OSBPL5: variants seen among roughly 807,000 people sequenced by gnomAD.
OSBPL5 encodes the protein oxysterol-binding protein-related protein 5.
Under a neutral mutation model 111.2 loss-of-function variants are expected in OSBPL5, and 71 were observed. The ratio of observed to expected loss-of-function variants is 0.64; its 90% confidence interval spans 0.53 to 0.78. The LOEUF (loss-of-function observed/expected upper bound fraction) is 0.78, where lower values mean the gene tolerates loss of function less well. OSBPL5 is among the 30% of genes least tolerant of loss of function. The pLI is 0.00. For synonymous variants in OSBPL5, 549 were observed against 513.9 expected (o/e 1.07, Z -0.93); for missense variants, 1,210 against 1,189.3 (o/e 1.02, Z -0.26).
intron 1 of OSBPL5, among the ~76,000 whole-genome samples, chr11:3,144,099 C>T (rs915990193): frequency 1.3e-5 from 2 of 152,162 alleles, no homozygotes; most frequent in Non-Finnish European, 2.9e-5. Flanking sequence ...GTCCCACAGC[C>T]CTGAGACCAA....
rs919641751 is a variant in OSBPL5, at chr11:3,107,815, C to A, written c.822G>T (p.Gly274=). ...GGTGGACGGTGGCTGAGGCTGGCAG[C>A]CCACAGAGCGATGAGGGTGATGCGT... ...SPDASPSSLC[G]LPASATVHPD... The change falls in exon 8 of 22, where the codon GGG becomes GGT. Residue 274 remains glycine, a synonymous_variant. Coordinates refer to ENST00000263650, the MANE Select transcript of OSBPL5 (RefSeq NM_020896.4). This position sits in a 1 kb window ranked among gnomAD's most constrained non-coding sequence, Gnocchi z 6.1. 2 of 1,612,500 alleles carry A rather than the reference C, an allele frequency of 1.2e-6. No homozygotes were observed. Among genetic ancestry groups the A allele is most frequent in the East Asian group, 4.5e-5 (2 of 44,868 alleles).
Position 3,109,696 on chromosome 11 carries a change from G to T in OSBPL5, c.692-1751C>A, listed in dbSNP as rs1204504155. On this transcript the variant is annotated intron_variant, in intron 7 of 21. Transcript: ENST00000263650. The surrounding 1 kb of genome is among the most constrained non-coding windows in gnomAD (Gnocchi z 7.4). ...GGTTGGTGCCAGAGCGGCCAAGCCTGGGCGGAACACCAGGGTTGGGGGAGG... is the reference window on the plus strand; with the variant it reads ...GGTTGGTGCCAGAGCGGCCAAGCCTTGGCGGAACACCAGGGTTGGGGGAGG... Among the ~76,000 whole-genome samples the T allele has an allele frequency of 6.6e-6, 1 of 152,082 alleles. No individual in the cohort carries two copies. The highest frequency in any genetic ancestry group is 2.4e-5 in the African/African-American group (1 of 41,414).
intron 1 of OSBPL5, among the ~76,000 whole-genome samples, chr11:3,137,449 T>C (rs1490028840): frequency 6.6e-6 from 1 of 152,194 alleles, no homozygotes; most frequent in African/African-American, 2.4e-5. Context: ...CCATCTGATA[T>C]GATTCTCGGA....
intron 6 of OSBPL5, 116 bp downstream of exon 6, chr11:3,120,305 G>C (rs1284766443): frequency 3.8e-6 from 5 of 1,310,742 alleles, no homozygotes; most frequent in Non-Finnish European, 5.2e-6. Context: ...TGAGACACCT[G>C]CTCAAGGCCC....
Position 3,120,409 on chromosome 11 carries a change from C to T in OSBPL5, c.606+12G>A, listed in dbSNP as rs1412002727. ...CGGGGCCTCTGTCTTCAACCCCACC[C>T]CTCCGCAGCACCTTCACGGCCCAGA... On this transcript the variant is annotated intron_variant, in intron 6 of 21. Coordinates refer to ENST00000263650, the MANE Select transcript of OSBPL5 (RefSeq NM_020896.4). The T allele has an allele frequency of 6.2e-7, 1 of 1,609,870 alleles. No homozygotes were observed. The highest frequency in any genetic ancestry group is 1.3e-5 in the African/African-American group (1 of 75,006).
Position 3,107,180 on chromosome 11 carries a change from G to A in OSBPL5, c.1059+83C>T. 2 of 1,494,762 alleles carry A rather than the reference G, an allele frequency of 1.3e-6. No individual in the cohort carries two copies. Among genetic ancestry groups the A allele is most frequent in the Admixed American group, 4.1e-5 (2 of 48,890 alleles). The allele number at this position is 1,494,762 out of a possible 1,614,324, so 92.6% of individuals were successfully genotyped here. ...CCTGGGCCCTGCGTGCTCCCCCTAG[G>A]ATGAGGCATGGCTACCTCTGCTTCC... On this transcript the variant is annotated intron_variant, in intron 9 of 21. Transcript: ENST00000263650. This position sits in a 1 kb window ranked among gnomAD's most constrained non-coding sequence, Gnocchi z 6.1.
chr11:3,115,548 A>G (rs1207659611), intron 7 of OSBPL5, among the ~76,000 whole-genome samples: 2 of 152,248 alleles, frequency 1.3e-5, no homozygotes, highest in African/African-American at 4.8e-5. Flanking sequence ...AGACTATCCC[A>G]GAAGAGATAG....
At chr11:3,129,395 G>A (rs1858748340) in intron 1 of OSBPL5, 1 of 338,368 alleles carries the variant, frequency 3.0e-6, no homozygotes, top group Non-Finnish European at 5.3e-6. Context: ...CCGGGCAGTA[G>A]GGCTGGACGG....
chr11:3,122,033 T>C lies in OSBPL5; in HGVS notation c.366A>G (p.Thr122=), dbSNP rs1279169456. 6.3e-7 allele frequency: 1 copy of C among 1,581,778 alleles called. No individual in the cohort carries two copies. The highest frequency in any genetic ancestry group is 8.6e-7 in the Non-Finnish European group (1 of 1,168,274). Residue 122 remains threonine (T), a synonymous_variant, in exon 5 of 22, where the codon ACA becomes ACG. Coordinates refer to ENST00000263650, the MANE Select transcript of OSBPL5 (RefSeq NM_020896.4). ...RATRQLLSAL[T]DPSVVIMADS... ...CAGCCATGATGACCACGCTGGGGTC[T>C]GTCAGAGCGCTGAGCAGCTGCCGTG...
chr11:3,102,684 T>C (rs914826068), intron 11 of OSBPL5, among the ~76,000 whole-genome samples: 132 of 152,182 alleles, frequency 8.7e-4, no homozygotes, highest in African/African-American at 3.1e-3. Context: ...AGCCTCAGTT[T>C]CCCCATCTGC....
In OSBPL5 at chr11:3,088,020, C is replaced by CTG. The variant is rs1856929577; in HGVS notation, c.*184_*185insCA. ...AAGGCCCTGCAGAGAGGCCAGTGCC[C>CTG]CTGAGAGGGGCCCAGCACACCTGGG... On this transcript the variant is annotated 3_prime_UTR_variant, in exon 22 of 22. Transcript: ENST00000263650. The CTG allele has an allele frequency of 2.0e-6, 1 of 509,530 alleles. No homozygotes were observed. Among genetic ancestry groups the CTG allele is most frequent in the Non-Finnish European group, 3.3e-6 (1 of 301,544 alleles). 31.6% of individuals were successfully genotyped at this position (509,530 alleles called of 1,614,324 possible).
Position 3,104,439 on chromosome 11 carries a change from A to G in OSBPL5, c.1060-62T>C, listed in dbSNP as rs989919284. On this transcript the variant is annotated intron_variant, in intron 9 of 21. Transcript: ENST00000263650. The surrounding 1 kb of genome is among the most constrained non-coding windows in gnomAD (Gnocchi z 5.0). ...AGAGCCGGGAGGAAGGGGTGGCGGG[A>G]CAGTGGCAGCTCTGGCTGGAGGAGG... 1.9e-6 allele frequency: 3 copies of G among 1,565,230 alleles called. No homozygotes were observed. The African/African-American group carries it at 4.1e-5, about 21-fold the overall frequency.
chr11:3,149,004 G>A (rs1405613629), intron 1 of OSBPL5, among the ~76,000 whole-genome samples: 4 of 152,196 alleles, frequency 2.6e-5, no homozygotes, highest in Admixed American at 2.6e-4. Flanking sequence ...CCTCCAGAGA[G>A]CATGGACCCC....
Position 3,121,879 on chromosome 11 carries a change from C to G in OSBPL5, c.402+118G>C, listed in dbSNP as rs565476547. The G allele has an allele frequency of 1.2e-6, 1 of 858,584 alleles. No homozygotes were observed. The highest frequency in any genetic ancestry group is 2.7e-5 in the East Asian group (1 of 37,422). The allele number at this position is 858,584 out of a possible 1,614,324, so 53.2% of individuals were successfully genotyped here. A position where few individuals can be genotyped will look rare whatever the true frequency, so the allele number is the denominator to read the frequency against. On this transcript the variant is annotated intron_variant, in intron 5 of 21. Transcript: ENST00000263650. The surrounding 1 kb of genome is among the most constrained non-coding windows in gnomAD (Gnocchi z 4.3). ...GAAGGAGCAGAGGCTGCAGTGATAA[C>G]GGCTAGATGCAGGGAAGTGAATTTC...
At chr11:3,152,139 G>A (rs927660733) in intron 1 of OSBPL5, among the ~76,000 whole-genome samples, 4 of 152,224 alleles carry the variant, frequency 2.6e-5, no homozygotes, top group African/African-American at 9.6e-5. Context: ...CTCTATTTAA[G>A]GGAGGCAGGG....
chr11:3,138,239 G>A (rs936720346), intron 1 of OSBPL5, among the ~76,000 whole-genome samples: 1 of 152,180 alleles, frequency 6.6e-6, no homozygotes, highest in Non-Finnish European at 1.5e-5. Context: ...CCCTGTAGTC[G>A]ATCACTCCAC....
chr11:3,090,560 G>A lies in OSBPL5; in HGVS notation c.2396C>T (p.Pro799Leu). Residue 799 changes from proline to leucine, a missense_variant and splice_region_variant, in exon 20 of 22, where the codon CCT becomes CTT. Pro to Leu is a moderately conservative substitution (Grantham distance 98). Coordinates refer to ENST00000263650, the MANE Select transcript of OSBPL5 (RefSeq NM_020896.4). The part of the protein sequence containing the change: ...SDEEQDGDFV[P>L]GGESPCPRCR... ...GGGCTGGGCCCAAGGGGGCTCACCA[G>A]GGACAAAGTCACCATCCTGCTCCTC... The A allele has an allele frequency of 6.2e-7, 1 of 1,612,512 alleles. No individual in the cohort carries two copies. The highest frequency in any genetic ancestry group is 8.5e-7 in the Non-Finnish European group (1 of 1,179,576).
chr11:3,092,744 C>A lies in OSBPL5; in HGVS notation c.2132+123G>T. 7.3e-7 allele frequency: 1 copy of A among 1,374,196 alleles called. No homozygotes were observed. Among genetic ancestry groups the A allele is most frequent in the South Asian group, 1.5e-5 (1 of 67,358 alleles). 85.1% of individuals were successfully genotyped at this position (1,374,196 alleles called of 1,614,324 possible). On this transcript the variant is annotated intron_variant, in intron 18 of 21. Transcript: ENST00000263650. The surrounding 1 kb of genome is among the most constrained non-coding windows in gnomAD (Gnocchi z 5.4). The stretch of plus-strand genomic sequence containing the variant: ...GGGGGTGTCACTATCTGACCCTCCC[C>A]CACCGACTCCTCCAGGGGACAGGCT...
chr11:3,105,167 G>A lies in OSBPL5; in HGVS notation c.1060-790C>T, dbSNP rs1342164944. 6.6e-6 allele frequency among the ~76,000 whole-genome samples: 1 copy of A among 152,204 alleles called. No homozygotes were observed. The highest frequency in any genetic ancestry group is 1.9e-4 in the East Asian group (1 of 5,198). On this transcript the variant is annotated intron_variant, in intron 9 of 21. Transcript: ENST00000263650. The surrounding 1 kb of genome is among the most constrained non-coding windows in gnomAD (Gnocchi z 5.2). ...CAGAGGGGACAAGTGACTTGTCCAA[G>A]GTCACACGGCTGCTATGCGGCAGAG...
Sources: gnomAD v4.1 joint callset for allele counts (sites outside exome capture counted in the v4.1 genomes callset) on GRCh38, gnomAD v4.1.1 for gene constraint, Gnocchi (gnomAD v3.1) non-coding constraint, MANE v1.5 for transcripts, NCBI Gene and HGNC (gene_info 2026-07-23, HGNC 2026-07-21) for gene names.